Variants in MBOAT1 observed in about 807,000 individuals in gnomAD.
MBOAT1 encodes the protein membrane bound glycerophospholipid O-acyltransferase 1.
Under a neutral mutation model 64.4 loss-of-function variants are expected in MBOAT1, and 67 were observed. That is an observed-to-expected ratio of 1.04 (90% CI 0.85 to 1.27). The LOEUF (loss-of-function observed/expected upper bound fraction) is 1.27, where lower values mean the gene tolerates loss of function less well. MBOAT1 is among the 50% of genes most tolerant of loss of function. MBOAT1 has a pLI of 0.00. For missense variants in MBOAT1, 563 were observed against 604.6 expected, an observed-to-expected ratio of 0.93 and a Z score of 0.72; for synonymous variants, 229 against 218.9, an observed-to-expected ratio of 1.05 and a Z score of -0.41.
At chr6:20,207,571 TA>T (rs569246215) in intron 1 of MBOAT1, among the ~76,000 whole-genome samples, 1 of 152,044 alleles carries the variant, frequency 6.6e-6, no homozygotes, top group African/African-American at 2.4e-5. Flanking sequence ...TTTAAAGGGT[TA>T]AAAAAAATCT....
chr6:20,129,426 A>C (rs767049586), intron 5 of MBOAT1, among the ~76,000 whole-genome samples: 1 of 152,224 alleles, frequency 6.6e-6, no homozygotes, highest in Non-Finnish European at 1.5e-5. Context: ...TATTATCTTA[A>C]AAGCAATATG....
At chr6:20,210,133 C>G (rs1316858953) in intron 1 of MBOAT1, among the ~76,000 whole-genome samples, 1 of 152,156 alleles carries the variant, frequency 6.6e-6, no homozygotes, top group African/African-American at 2.4e-5. Context: ...TAATGTCGGG[C>G]ATTTCACATC....
chr6:20,153,142 G>GA (rs1761577759), intron 1 of MBOAT1, among the ~76,000 whole-genome samples: 2 of 152,090 alleles, frequency 1.3e-5, no homozygotes, highest in Non-Finnish European at 2.9e-5. Flanking sequence ...CCTTGCTCTT[G>GA]TTTTTTGCAG....
At chr6:20,102,482 T>A in intron 12 of MBOAT1, 70 bp from the exon 13 acceptor site, 1 of 1,321,464 alleles carries the variant, frequency 7.6e-7, no homozygotes, top group Non-Finnish European at 1.1e-6. Context: ...CCTAATTATA[T>A]CACCTACAGT....
At chr6:20,147,172 A>G (rs1761349303) in intron 3 of MBOAT1, among the ~76,000 whole-genome samples, 1 of 152,230 alleles carries the variant, frequency 6.6e-6, no homozygotes. Context: ...CTGTGAGTCC[A>G]CTAAACTTCT....
At chr6:20,102,544 G>T in intron 12 of MBOAT1, 132 bp from the exon 13 acceptor site, 1 of 672,884 alleles carries the variant, frequency 1.5e-6, no homozygotes, top group Non-Finnish European at 2.4e-6. Context: ...CTACACTCAG[G>T]CTTCCCTCAA....
chr6:20,136,922 G>A (rs1761011600), intron 4 of MBOAT1, among the ~76,000 whole-genome samples: 3 of 152,134 alleles, frequency 2.0e-5, no homozygotes. Flanking sequence ...CTTGGGACAT[G>A]TATTTGTCTT....
At chr6:20,206,157 TG>T (rs1763259243) in intron 1 of MBOAT1, among the ~76,000 whole-genome samples, 1 of 152,218 alleles carries the variant, frequency 6.6e-6, no homozygotes, top group Non-Finnish European at 1.5e-5. Flanking sequence ...GACCTCCCAC[TG>T]CTGCTTTGCA....
At chr6:20,107,923 G>A (rs568963521) in intron 12 of MBOAT1, among the ~76,000 whole-genome samples, 15 of 152,126 alleles carry the variant, frequency 9.9e-5, no homozygotes, top group African/African-American at 2.2e-4. Context: ...GGCTGCTTCC[G>A]GGCATGTTAA....
intron 4 of MBOAT1, among the ~76,000 whole-genome samples, chr6:20,142,021 C>A (rs1488913796): frequency 6.6e-6 from 1 of 152,092 alleles, no homozygotes; most frequent in African/African-American, 2.4e-5. Context: ...CTGGCATTTA[C>A]CTAACATATT....
At chr6:20,171,043 A>C (rs1381740227) in intron 1 of MBOAT1, among the ~76,000 whole-genome samples, 4 of 152,056 alleles carry the variant, frequency 2.6e-5, no homozygotes, top group Admixed American at 6.6e-5. Flanking sequence ...GACCGTGCTT[A>C]CTCTTTATTC....
chr6:20,149,372 A>G (rs1761424173), intron 3 of MBOAT1, among the ~76,000 whole-genome samples: 1 of 152,132 alleles, frequency 6.6e-6, no homozygotes, highest in South Asian at 2.1e-4. Flanking sequence ...TCAGCATCAC[A>G]CAAATGTGGG....
intron 3 of MBOAT1, among the ~76,000 whole-genome samples, chr6:20,144,818 C>T (rs748814113): frequency 9.2e-5 from 14 of 152,186 alleles, no homozygotes; most frequent in Admixed American, 2.6e-4. Context: ...CTGGTTAATT[C>T]CTCCAAGGCT....
intron 4 of MBOAT1, among the ~76,000 whole-genome samples, chr6:20,136,396 A>G (rs1161061474): frequency 6.6e-6 from 1 of 152,254 alleles, no homozygotes; most frequent in Non-Finnish European, 1.5e-5. Context: ...GGTATAACTT[A>G]TGTCTGCAGA....
rs1004980036 is a variant in MBOAT1, at chr6:20,207,320, G to A, written c.99+4816C>T. Among the ~76,000 whole-genome samples the A allele has an allele frequency of 2.6e-5, 4 of 152,214 alleles. No homozygotes were observed. The South Asian group carries it at 8.3e-4, about 32-fold the overall frequency. On this transcript the variant is annotated intron_variant, in intron 1 of 12. Coordinates refer to ENST00000324607, the MANE Select transcript of MBOAT1 (RefSeq NM_001080480.3). Reference sequence around the variant, plus strand: ...AATCTTTTCACAACTTAAACCCTGCGATGTCCTCCCTTGACTATAGTAATG... The same window carrying A: ...AATCTTTTCACAACTTAAACCCTGCAATGTCCTCCCTTGACTATAGTAATG...
At chr6:20,109,200 T>G (rs1581393590) in intron 12 of MBOAT1, among the ~76,000 whole-genome samples, 1 of 151,974 alleles carries the variant, frequency 6.6e-6, no homozygotes, top group South Asian at 2.1e-4. Context: ...CTCAGCCGCA[T>G]CCCCCGCTCC....
intron 5 of MBOAT1, 97 bp from the exon 6 acceptor site, chr6:20,128,850 C>A: frequency 1.2e-6 from 1 of 812,796 alleles, no homozygotes. Flanking sequence ...ACCAGGTAAT[C>A]TTTGTTTGCT....
chr6:20,197,531 C>T (rs1314571622), intron 1 of MBOAT1, among the ~76,000 whole-genome samples: 1 of 152,170 alleles, frequency 6.6e-6, no homozygotes, highest in Non-Finnish European at 1.5e-5. Flanking sequence ...GACTGTTCCT[C>T]TATGCTCCCC....
chr6:20,198,627 G>C (rs1763031148), intron 1 of MBOAT1, among the ~76,000 whole-genome samples: 1 of 152,050 alleles, frequency 6.6e-6, no homozygotes, highest in South Asian at 2.1e-4. Context: ...CATTTTTCTT[G>C]CTCTTTTCTA....
Sources: gnomAD v4.1 joint callset for allele counts (sites outside exome capture counted in the v4.1 genomes callset) on GRCh38, gnomAD v4.1.1 for gene constraint, MANE v1.5 for transcripts, NCBI Gene and HGNC (gene_info 2026-07-23, HGNC 2026-07-21) for gene names.